The following CDK12 variants were observed in gnomAD, a reference collection of about 807,000 sequenced individuals.
CDK12 encodes cyclin-dependent kinase 12.
Under a neutral mutation model 133.8 loss-of-function variants are expected in CDK12, and 17 were observed. The observed-to-expected ratio is 0.13, with a 90% CI of 0.09 to 0.19. The LOEUF (loss-of-function observed/expected upper bound fraction) is 0.19. Ranked by LOEUF, CDK12 falls within the 10% of genes least tolerant of loss-of-function variation. The pLI, the probability that CDK12 is intolerant of heterozygous loss-of-function variation, is 1.00. For synonymous variants in CDK12, 694 were observed against 683.6 expected, an observed-to-expected ratio of 1.02 and a Z score of -0.24; for missense variants, 1,508 against 1,818.7, an observed-to-expected ratio of 0.83 and a Z score of 3.11.
chr17:39,563,538 C>T (rs552274352), intron 3 of CDK12, among the ~76,000 whole-genome samples: 1 of 146,570 alleles, frequency 6.8e-6, no homozygotes, highest in South Asian at 2.2e-4. Flanking sequence ...TCCCCTCCTC[C>T]CTCTCTCTTC....
At chr17:39,486,459 G>T (rs528367409) in intron 2 of CDK12, among the ~76,000 whole-genome samples, 2 of 151,554 alleles carry the variant, frequency 1.3e-5, no homozygotes, top group African/African-American at 4.8e-5. Context: ...TAGAGATAAG[G>T]TCTCACTATG....
chr17:39,560,826 C>T (rs1032328145), intron 3 of CDK12, among the ~76,000 whole-genome samples: 1 of 152,194 alleles, frequency 6.6e-6, no homozygotes, highest in Non-Finnish European at 1.5e-5. Flanking sequence ...ACCAGCCTGG[C>T]CAACAGGGTG....
chr17:39,542,247 C>T (rs1353316866), intron 1 of CDK12, among the ~76,000 whole-genome samples: 4 of 149,240 alleles, frequency 2.7e-5, no homozygotes, highest in East Asian at 2.0e-4. Context: ...AGTGCAATGG[C>T]GCGATCTCGG....
chr17:39,522,511 T>C (rs2054242047), intron 11 of CDK12, among the ~76,000 whole-genome samples: 1 of 151,848 alleles, frequency 6.6e-6, no homozygotes, highest in Non-Finnish European at 1.5e-5. Context: ...CTCAACTCAC[T>C]GCAACCTCCA....
chr17:39,498,531 CTT>C (rs1183383685), intron 5 of CDK12, among the ~76,000 whole-genome samples: 3 of 151,942 alleles, frequency 2.0e-5, no homozygotes, highest in Non-Finnish European at 1.5e-5. Flanking sequence ...CCATCCTTCT[CTT>C]TTTGAAATTT....
At chr17:39,485,417 T>TCC (rs1567713003) in intron 2 of CDK12, among the ~76,000 whole-genome samples, 1 of 145,414 alleles carries the variant, frequency 6.9e-6, no homozygotes, top group African/African-American at 2.5e-5. Context: ...CCTTTTTTTT[T>TCC]TTTTTTTTTT....
chr17:39,488,342 C>CTT (rs2051302421), intron 2 of CDK12, among the ~76,000 whole-genome samples: 1 of 152,132 alleles, frequency 6.6e-6, no homozygotes, highest in Non-Finnish European at 1.5e-5. Context: ...GGAGAGGCTT[C>CTT]TGCCACCAGG....
rs2054997199 is a variant in CDK12 at position 39,533,691 on chromosome 17, G to A, written c.*2375G>A. 2 of 232,788 alleles carry A rather than the reference G, an allele frequency of 8.6e-6. No individual in the cohort carries two copies. The highest frequency in any genetic ancestry group is 5.6e-5 in the Admixed American group (1 of 17,756). 14.4% of individuals were successfully genotyped at this position (232,788 alleles called of 1,614,324 possible). Reference sequence around the variant, plus strand: ...TAGGGAAGGGGGTGAGTGTATGTGTGAGTGTATGTGTATGTATGATCCCAT... The same window carrying A: ...TAGGGAAGGGGGTGAGTGTATGTGTAAGTGTATGTGTATGTATGATCCCAT... On this transcript the variant is annotated 3_prime_UTR_variant, in exon 14 of 14. Transcript: ENST00000447079.
At chr17:39,486,117 T>C (rs1289821858) in intron 2 of CDK12, among the ~76,000 whole-genome samples, 2 of 151,704 alleles carry the variant, frequency 1.3e-5, no homozygotes, top group Admixed American at 1.3e-4. Context: ...CATGCCCAGC[T>C]AATTTTTGTA....
upstream of CDK12, among the ~76,000 whole-genome samples, chr17:39,548,051 G>C (rs2055797338): frequency 6.6e-6 from 1 of 152,166 alleles, no homozygotes; most frequent in South Asian, 2.1e-4. Flanking sequence ...TGATCACACA[G>C]AACAGGCCTG....
At chr17:39,511,906 A>T (rs1448450442) in intron 8 of CDK12, among the ~76,000 whole-genome samples, 1 of 152,218 alleles carries the variant, frequency 6.6e-6, no homozygotes, top group Non-Finnish European at 1.5e-5. Context: ...AATTGATTAC[A>T]TCAAATCTTT....
At chr17:39,495,414 T>A (rs2052016159) in intron 5 of CDK12, among the ~76,000 whole-genome samples, 7 of 110,136 alleles carry the variant, frequency 6.4e-5, no homozygotes, top group African/African-American at 9.9e-5. Flanking sequence ...TTTTTTTTTT[T>A]TTATAAAATA....
At chr17:39,487,922 C>G (rs573736720) in intron 2 of CDK12, among the ~76,000 whole-genome samples, 19 of 152,046 alleles carry the variant, frequency 1.2e-4, no homozygotes, top group African/African-American at 4.1e-4. Context: ...GCTCTTGGCA[C>G]AAAATTTCTC....
chr17:39,476,711 C>CTTTT lies in CDK12; in HGVS notation c.1931+4974_1931+4977dup, dbSNP rs879840168. Among the ~76,000 whole-genome samples the CTTTT allele has an allele frequency of 4.3e-4, 36 of 84,522 alleles. 2 individuals are homozygous for CTTTT. The highest frequency in any genetic ancestry group is 1.3e-3 in the African/African-American group (22 of 17,558). 55.4% of individuals were successfully genotyped at this position (84,522 alleles called of 152,430 possible). ...TACAGGCATGAGCCACCATGCCTGCCTTTTTTTTTTTTTTTTTTTTTTTTT... is the reference window on the plus strand; with the variant it reads ...TACAGGCATGAGCCACCATGCCTGCCTTTTTTTTTTTTTTTTTTTTTTTTTTTTT... On this transcript the variant is annotated intron_variant, in intron 2 of 13. Transcript: ENST00000447079.
downstream of CDK12, among the ~76,000 whole-genome samples, chr17:39,537,183 G>C (rs2055171740): frequency 6.6e-6 from 1 of 152,090 alleles, no homozygotes; most frequent in Admixed American, 6.5e-5. Context: ...CTCTAGGAGG[G>C]GATCCTTCTC....
At chr17:39,505,137 C>T (rs1432288835) in intron 6 of CDK12, among the ~76,000 whole-genome samples, 1 of 146,368 alleles carries the variant, frequency 6.8e-6, no homozygotes, top group Admixed American at 7.0e-5. Context: ...GCTGAGGCAG[C>T]GGAATCACTT....
At position 39,526,148 on chromosome 17, in the gene CDK12, G is replaced by C. The variant is rs1428070319; in HGVS notation, c.3592G>C (p.Glu1198Gln). The change falls in exon 13 of 14, where the codon GAA becomes CAA. Residue 1198 changes from glutamate (E) to glutamine (Q), a missense_variant. Glu to Gln is a conservative substitution (Grantham distance 29, BLOSUM62 2). Transcript: ENST00000447079. ...GCCTTCAGCAGAACAGACGACCCTT[G>C]AAGCTTCAAGCACACCAGCTGACAT... ...ILPSAEQTTL[E>Q]ASSTPADMQN... is the part of the protein sequence containing the mutation. The C allele has an allele frequency of 1.2e-6, 2 of 1,614,060 alleles. No individual in the cohort carries two copies. The highest frequency in any genetic ancestry group is 2.7e-5 in the African/African-American group (2 of 74,914).
chr17:39,513,486 A>G (rs1035727989), intron 8 of CDK12, among the ~76,000 whole-genome samples: 7 of 152,180 alleles, frequency 4.6e-5, no homozygotes, highest in African/African-American at 1.7e-4. Flanking sequence ...GTTCTGGACA[A>G]TTTGCTTTAA....
intron 1 of CDK12, among the ~76,000 whole-genome samples, chr17:39,541,309 G>A (rs2143767971): frequency 6.6e-6 from 1 of 151,500 alleles, no homozygotes; most frequent in Non-Finnish European, 1.5e-5. Context: ...CAGGGTTAGA[G>A]TTAGACTGCC....
Sources: allele counts gnomAD v4.1 joint callset (sites outside exome capture counted in the v4.1 genomes callset), GRCh38; gene constraint gnomAD v4.1.1; transcripts MANE v1.5; gene names NCBI Gene and HGNC (gene_info 2026-07-23, HGNC 2026-07-21).